ATM: variants seen among roughly 807,000 people sequenced by gnomAD.
The protein encoded by ATM is serine-protein kinase ATM.
A neutral mutation model predicts 387.0 loss-of-function variants in ATM; 308 were observed. That is an observed-to-expected ratio of 0.80 (90% CI 0.73 to 0.87). The LOEUF (loss-of-function observed/expected upper bound fraction) is 0.87. Among genes scored for constraint, ATM ranks in the 40% least tolerant of loss-of-function variants. ATM has a pLI of 0.00. For synonymous variants in ATM, 1,156 were observed against 1,187.3 expected, an observed-to-expected ratio of 0.97 and a Z score of 0.54; for missense variants, 3,312 against 3,560.9, an observed-to-expected ratio of 0.93 and a Z score of 1.78.
At chr11:108,276,282 G>C (rs2135602921) in intron 22 of ATM, among the ~76,000 whole-genome samples, 1 of 152,172 alleles carries the variant, frequency 6.6e-6, no homozygotes, top group South Asian at 2.1e-4. Context: ...AAGGTTCTTA[G>C]CTTCCTTGCA....
At position 108,284,257 on chromosome 11, in the gene ATM, G is replaced by A. The variant is rs780192529; in HGVS notation, c.3777G>A (p.Leu1259=). 4.3e-6 allele frequency: 7 copies of A among 1,611,250 alleles called. No homozygotes were observed. In the African/African-American group the frequency reaches 9.4e-5, roughly 22 times the overall value. The change falls in exon 26 of 63, where the codon CTG becomes CTA. Residue 1259 remains leucine (L), a synonymous_variant. Coordinates refer to ENST00000675843, the MANE Select transcript of ATM (RefSeq NM_000051.4). ...GTTATAAGGTTTTGATTCCACATCT[G>A]GTGATTAGAAGTCATTTTGATGAGG... ...RSCYKVLIPH[L]VIRSHFDEVK... is the part of the protein sequence containing the mutation.
chr11:108,365,453 C>T lies in ATM; in HGVS notation c.9116C>T (p.Ala3039Val), dbSNP rs1490064006. 6.2e-7 allele frequency: 1 copy of T among 1,614,150 alleles called. No homozygotes were observed. The highest frequency in any genetic ancestry group is 8.5e-7 in the Non-Finnish European group (1 of 1,180,018). The change falls in exon 63 of 63, where the codon GCC becomes GTC. Residue 3039 changes from alanine to valine, a missense_variant. By Grantham distance (64) the Ala-to-Val change is moderately conservative. This residue lies in a region of ATM where 95 missense variants were observed against 100.3 expected (regional missense o/e 0.95). Coordinates refer to ENST00000675843, the MANE Select transcript of ATM (RefSeq NM_000051.4). ...CAAGTGAATTTGCTCATACAGCAGG[C>T]CATAGACCCCAAAAATCTCAGCCGA... ...GGQVNLLIQQ[A>V]IDPKNLSRLF... is the part of the protein sequence containing the mutation.
At chr11:108,251,790 C>T (rs2135337291) in intron 10 of ATM, 47 bp from the exon 11 acceptor site, 1 of 1,585,612 alleles carries the variant, frequency 6.3e-7, no homozygotes, top group East Asian at 2.2e-5. Context: ...AAAGTCTTTG[C>T]CCCTCCAATA....
At chr11:108,254,533 T>C (rs1419801677) in intron 13 of ATM, among the ~76,000 whole-genome samples, 1 of 152,238 alleles carries the variant, frequency 6.6e-6, no homozygotes, top group Non-Finnish European at 1.5e-5. Context: ...TACTATTCTC[T>C]TGCCAAAACT....
In ATM at chr11:108,235,739, G is replaced by C. The variant is rs771166271; in HGVS notation, c.401G>C (p.Gly134Ala). The change falls in exon 5 of 63, where the codon GGT becomes GCT. Residue 134 changes from glycine to alanine, a missense_variant. Coordinates refer to ENST00000675843, the MANE Select transcript of ATM (RefSeq NM_000051.4). Reference sequence around the variant, plus strand: ...GATACAGTGAAAGATTCATCTAATGGTGCTATTTACGGAGCTGATTGTAGC... The same window carrying C: ...GATACAGTGAAAGATTCATCTAATGCTGCTATTTACGGAGCTGATTGTAGC... ...IMDTVKDSSN[G>A]AIYGADCSNI... 6.2e-7 allele frequency: 1 copy of C among 1,612,364 alleles called. No individual in the cohort carries two copies. Among genetic ancestry groups the C allele is most frequent in the Non-Finnish European group, 8.5e-7 (1 of 1,178,632 alleles).
At chr11:108,257,398 T>A (rs916847252) in intron 14 of ATM, 83 bp from the exon 15 acceptor site, 2 of 1,512,020 alleles carry the variant, frequency 1.3e-6, no homozygotes, top group African/African-American at 2.7e-5. Context: ...TTATAGTATG[T>A]CCAAGATCAA....
At chr11:108,229,507 G>A (rs369105340) in intron 4 of ATM, 184 bp downstream of exon 4, 2 of 571,184 alleles carry the variant, frequency 3.5e-6, no homozygotes, top group Non-Finnish European at 5.9e-6. Flanking sequence ...TTTTTTTTAG[G>A]GCTAGTCAAG....
At chr11:108,357,611 C>T (rs1404211182) in intron 61 of ATM, among the ~76,000 whole-genome samples, 1 of 152,208 alleles carries the variant, frequency 6.6e-6, no homozygotes, top group Admixed American at 6.5e-5. Context: ...AACAGGCAGA[C>T]TGCCTCCTCA....
Position 108,281,163 on chromosome 11 carries a change from A to C in ATM, c.3571A>C (p.Lys1191Gln). The change falls in exon 24 of 63, where the codon AAA becomes CAA. Residue 1191 changes from lysine (K) to glutamine (Q), a missense_variant. Coordinates refer to ENST00000675843, the MANE Select transcript of ATM (RefSeq NM_000051.4). Reference protein sequence around the residue: ...KENGLEPHLVKKVLEKVSETF... With the variant: ...KENGLEPHLVQKVLEKVSETF... Reference sequence around the variant, plus strand: ...GAATGGATTAGAACCTCACCTTGTGAAAAAGGTATATATGGATGAGTATTT... The same window carrying C: ...GAATGGATTAGAACCTCACCTTGTGCAAAAGGTATATATGGATGAGTATTT... The C allele has an allele frequency of 6.2e-7, 1 of 1,613,476 alleles. No homozygotes were observed. Among genetic ancestry groups the C allele is most frequent in the Non-Finnish European group, 8.5e-7 (1 of 1,179,516 alleles).
chr11:108,326,628 C>T (rs906317942), intron 47 of ATM, among the ~76,000 whole-genome samples: 4 of 152,110 alleles, frequency 2.6e-5, no homozygotes, highest in African/African-American at 9.7e-5. Context: ...AATCCAAATG[C>T]TTTGAAAATA....
At chr11:108,260,030 CTTTTTTTTT>C (rs754362678) in intron 16 of ATM, among the ~76,000 whole-genome samples, 1 of 94,592 alleles carries the variant, frequency 1.1e-5, no homozygotes, top group East Asian at 2.9e-4. Flanking sequence ...CTTATCTGCT[CTTTTTTTTT>C]TTTTTTTTTT....
chr11:108,297,000 T>A, intron 32 of ATM: 1 of 375,752 alleles, frequency 2.7e-6, no homozygotes, highest in Non-Finnish European at 5.0e-6. Context: ...TGAATGATTC[T>A]TGTGCTTCTG....
intron 57 of ATM, among the ~76,000 whole-genome samples, chr11:108,344,180 G>A (rs1246981312): frequency 2.6e-5 from 4 of 152,172 alleles, no homozygotes; most frequent in Non-Finnish European, 4.4e-5. Flanking sequence ...TGTTGTGATG[G>A]AAGTCTGTAC....
intron 35 of ATM, among the ~76,000 whole-genome samples, 174 bp downstream of exon 35, chr11:108,301,963 T>C (rs1203872546): frequency 6.6e-6 from 1 of 152,174 alleles, no homozygotes; most frequent in African/African-American, 2.4e-5. Flanking sequence ...TTTTAATTTA[T>C]TATGGCAGTG....
At position 108,301,577 on chromosome 11, in the gene ATM, T is replaced by C; in HGVS notation, c.5178-71T>C. On this transcript the variant is annotated intron_variant, in intron 34 of 62. Transcript: ENST00000675843. The stretch of plus-strand genomic sequence containing the variant: ...TTTAAATTTTAGTTTTGAAATTTTT[T>C]CAGTGGAGGTTAACATTCATCAAGA... The C allele has an allele frequency of 2.5e-6, 4 of 1,588,450 alleles. No individual in the cohort carries two copies. In the South Asian group the frequency reaches 4.5e-5, roughly 18 times the overall value.
chr11:108,331,410 G>A (rs898604839), intron 50 of ATM, 34 bp from the exon 51 acceptor site: 2 of 1,599,202 alleles, frequency 1.3e-6, no homozygotes, highest in African/African-American at 2.7e-5. Flanking sequence ...GAAATACCTT[G>A]TTTCTTAATT....
At chr11:108,357,056 G>A (rs890588515) in intron 61 of ATM, among the ~76,000 whole-genome samples, 1 of 152,176 alleles carries the variant, frequency 6.6e-6, no homozygotes, top group African/African-American at 2.4e-5. Flanking sequence ...ACTAGGGAGC[G>A]CCAGACAGTG....
chr11:108,295,844 G>A (rs1473986629), intron 32 of ATM: 3 of 152,064 alleles, frequency 2.0e-5, no homozygotes, highest in Non-Finnish European at 4.4e-5. Context: ...TTTTAGTAGA[G>A]ACGGGGTTTC....
chr11:108,271,035 C>G (rs768437069), intron 18 of ATM, 29 bp from the exon 19 acceptor site: 1 of 1,578,984 alleles, frequency 6.3e-7, no homozygotes, highest in Non-Finnish European at 8.7e-7. Context: ...TGTGGATAAA[C>G]CTGATTTTTT....
Sources: gnomAD v4.1 joint callset for allele counts (sites outside exome capture counted in the v4.1 genomes callset) on GRCh38, gnomAD v4.1.1 for gene constraint, gnomAD v4.1.1 regional missense constraint, MANE v1.5 for transcripts, NCBI Gene and HGNC (gene_info 2026-07-23, HGNC 2026-07-21) for gene names.